The following CRYBG1 variants were observed in gnomAD, a reference collection of about 807,000 sequenced individuals.
CRYBG1 encodes beta/gamma crystallin domain-containing protein 1.
Under a neutral mutation model 189.2 loss-of-function variants are expected in CRYBG1, and 139 were observed. That is an observed-to-expected ratio of 0.73 (90% CI 0.64 to 0.85). The LOEUF is 0.85. Ranked by LOEUF, CRYBG1 falls within the 40% of genes least tolerant of loss-of-function variation. The pLI is 0.00. For missense variants in CRYBG1, 2,611 were observed against 2,675.8 expected (o/e 0.98, Z 0.53); for synonymous variants, 1,023 against 1,017.1 (o/e 1.01, Z -0.11).
rs367957424 is a variant in CRYBG1, at chr6:106,516,509, C to T, written c.1923-2622C>T. Reference sequence around the variant, plus strand: ...TTGGCCTCCCAAAGTGTAGGGATTACAAGCATGAGCCACCACACCCAGCCA... The same window carrying T: ...TTGGCCTCCCAAAGTGTAGGGATTATAAGCATGAGCCACCACACCCAGCCA... On this transcript the variant is annotated intron_variant, in intron 3 of 21. Transcript: ENST00000633556. Among the ~76,000 whole-genome samples, 260 of 152,314 alleles carry T rather than the reference C, an allele frequency of 1.7e-3. 1 individual carries two copies. The highest frequency in any genetic ancestry group is 6.0e-3 in the African/African-American group (251 of 41,564).
intron 10 of CRYBG1, among the ~76,000 whole-genome samples, chr6:106,542,400 A>C (rs888463988): frequency 2.0e-5 from 3 of 149,712 alleles, no homozygotes; most frequent in Non-Finnish European, 3.0e-5. Flanking sequence ...CTCTTGCCTC[A>C]GCCTCCTGAA....
chr6:106,398,385 A>C (rs1770652896), intron 1 of CRYBG1, among the ~76,000 whole-genome samples: 2 of 152,134 alleles, frequency 1.3e-5, no homozygotes, highest in South Asian at 4.1e-4. Flanking sequence ...CAGAGGTTGC[A>C]GTGGGCTGAG....
intron 1 of CRYBG1, among the ~76,000 whole-genome samples, chr6:106,405,597 C>A (rs917996025): frequency 1.3e-5 from 2 of 152,246 alleles, no homozygotes; most frequent in Non-Finnish European, 2.9e-5. Context: ...AGGGAGACAC[C>A]TTCCCGCAGG....
chr6:106,501,975 G>C (rs1000938806), intron 2 of CRYBG1, among the ~76,000 whole-genome samples: 1 of 152,194 alleles, frequency 6.6e-6, no homozygotes, highest in African/African-American at 2.4e-5. Context: ...TAGAGTCCGT[G>C]CTGTGTTGGA....
intron 20 of CRYBG1, among the ~76,000 whole-genome samples, 170 bp from the exon 21 acceptor site, chr6:106,563,594 T>A (rs1003619169): frequency 1.3e-5 from 2 of 152,234 alleles, no homozygotes; most frequent in Non-Finnish European, 2.9e-5. Flanking sequence ...ATAAATGGCA[T>A]AAATATTTAT....
chr6:106,456,203 G>A (rs1771885399), intron 2 of CRYBG1, among the ~76,000 whole-genome samples: 1 of 152,192 alleles, frequency 6.6e-6, no homozygotes, highest in Non-Finnish European at 1.5e-5. Context: ...GCCCAGGCTG[G>A]AGTGAAGTGG....
Position 106,512,229 on chromosome 6 carries a change from AC to A in CRYBG1, c.1115del (p.Pro372LeufsTer5), listed in dbSNP as rs1417968663. 6.5e-7 allele frequency: 1 copy of A among 1,538,484 alleles called. No homozygotes were observed. Among genetic ancestry groups the A allele is most frequent in the Admixed American group, 2.0e-5 (1 of 51,020 alleles). On this transcript the variant is annotated frameshift_variant, in exon 3 of 22. Transcript: ENST00000633556. LOFTEE classifies it high-confidence loss of function. ...DCTARPKGHA[H>X]PAKVLTLDIY... ...ACAGCCCGCCCCAAGGGTCACGCCC[AC>A]CCTGCTAAGGTGCTAACTTTGGACA...
intron 8 of CRYBG1, among the ~76,000 whole-genome samples, chr6:106,535,548 G>A (rs576678058): frequency 2.0e-5 from 3 of 152,216 alleles, no homozygotes; most frequent in African/African-American, 7.2e-5. Context: ...TATTACACTT[G>A]AGAAAATTCA....
rs532123829 is a variant in CRYBG1, at chr6:106,400,965, G to A, written c.173+39884G>A. Among the ~76,000 whole-genome samples the A allele has an allele frequency of 5.3e-5, 8 of 152,306 alleles. No homozygotes were observed. In the South Asian group the frequency reaches 8.3e-4, roughly 16 times the overall value. ...GAAAGTGCACGGGCTTTGGGGAGCC[G>A]TCTTTCTTGCCAGCTAGTTGAGATA... On this transcript the variant is annotated intron_variant, in intron 1 of 21. Coordinates refer to ENST00000633556, the MANE Select transcript of CRYBG1 (RefSeq NM_001371242.2).
At chr6:106,475,721 A>G (rs1174562253) in intron 2 of CRYBG1, among the ~76,000 whole-genome samples, 2 of 152,244 alleles carry the variant, frequency 1.3e-5, no homozygotes, top group Admixed American at 1.3e-4. Context: ...TATCTGAGAT[A>G]CAGATGGTAG....
rs762264327 is a variant in CRYBG1, at chr6:106,518,528, G to A, written c.1923-603G>A. ...GCCAAGCACTGTGCATACATGCTACGTACTCAATAAATTAGTTCATCCCTC... is the reference window on the plus strand; with the variant it reads ...GCCAAGCACTGTGCATACATGCTACATACTCAATAAATTAGTTCATCCCTC... On this transcript the variant is annotated intron_variant, in intron 3 of 21. Coordinates refer to ENST00000633556, the MANE Select transcript of CRYBG1 (RefSeq NM_001371242.2). Among the ~76,000 whole-genome samples the A allele has an allele frequency of 5.3e-5, 8 of 152,154 alleles. No individual in the cohort carries two copies. The South Asian group carries it at 8.3e-4, about 16-fold the overall frequency.
In CRYBG1 at chr6:106,423,695, C is replaced by CTTT. The variant is rs869170326; in HGVS notation, c.174-27973_174-27971dup. Among the ~76,000 whole-genome samples, 14 of 42,956 alleles carry CTTT rather than the reference C, an allele frequency of 3.3e-4. 1 individual carries two copies. The highest frequency in any genetic ancestry group is 2.8e-3 in the South Asian group (3 of 1,072). 28.2% of individuals were successfully genotyped at this position (42,956 alleles called of 152,430 possible). ...CCTCCAGTCCTCAGTTCTCCCTCCC[C>CTTT]TTTTTTTTTTTTTTTTTTTTTTTTT... On this transcript the variant is annotated intron_variant, in intron 1 of 21. Transcript: ENST00000633556.
Position 106,555,884 on chromosome 6 carries a change from G to A in CRYBG1, c.5702G>A (p.Arg1901His), listed in dbSNP as rs369371929. ...CPPGATFKSL[R>H]FIDVEFSEPT... Reference sequence around the variant, plus strand: ...CCTGGAGCAACTTTCAAGTCTCTTCGTTTTATAGATGTTGTAAGTATGTCA... The same window carrying A: ...CCTGGAGCAACTTTCAAGTCTCTTCATTTTATAGATGTTGTAAGTATGTCA... Residue 1901 changes from arginine to histidine, a missense_variant, in exon 17 of 22, where the codon CGT (arginine) becomes CAT (histidine). By Grantham distance (29) the Arg-to-His change is conservative. Transcript: ENST00000633556. 9 of 1,614,090 alleles carry A rather than the reference G, an allele frequency of 5.6e-6. No individual in the cohort carries two copies. The highest frequency in any genetic ancestry group is 5.0e-5 in the Admixed American group (3 of 60,016).
At chr6:106,488,654 G>T (rs754623443) in intron 2 of CRYBG1, among the ~76,000 whole-genome samples, 10 of 152,150 alleles carry the variant, frequency 6.6e-5, no homozygotes, top group Non-Finnish European at 1.2e-4. Context: ...TGTCAGGCAG[G>T]GGGGTGGGTG....
At chr6:106,475,467 C>A (rs1772316004) in intron 2 of CRYBG1, among the ~76,000 whole-genome samples, 1 of 152,024 alleles carries the variant, frequency 6.6e-6, no homozygotes, top group Non-Finnish European at 1.5e-5. Flanking sequence ...CTGTGTGAAT[C>A]AGAGTTGGAT....
At chr6:106,508,144 G>T (rs1318895902) in intron 2 of CRYBG1, among the ~76,000 whole-genome samples, 1 of 152,216 alleles carries the variant, frequency 6.6e-6, no homozygotes, top group Non-Finnish European at 1.5e-5. Flanking sequence ...TTGGGAAGCT[G>T]AGGTGGAAGG....
intron 2 of CRYBG1, among the ~76,000 whole-genome samples, chr6:106,494,139 T>C (rs893074364): frequency 6.6e-6 from 1 of 151,838 alleles, no homozygotes; most frequent in Non-Finnish European, 1.5e-5. Context: ...CAAAAACAAA[T>C]GTATGATTCC....
chr6:106,478,107 T>C (rs1447964890), intron 2 of CRYBG1, among the ~76,000 whole-genome samples: 1 of 152,242 alleles, frequency 6.6e-6, no homozygotes, highest in African/African-American at 2.4e-5. Context: ...GGGATGTTGG[T>C]TTCCACCACT....
At chr6:106,500,571 T>C (rs896156886) in intron 2 of CRYBG1, among the ~76,000 whole-genome samples, 2 of 152,248 alleles carry the variant, frequency 1.3e-5, no homozygotes, top group African/African-American at 4.8e-5. Flanking sequence ...ATTAATCCCT[T>C]ATCCAATGTA....
Sources: allele counts gnomAD v4.1 joint callset (sites outside exome capture counted in the v4.1 genomes callset), GRCh38; gene constraint gnomAD v4.1.1; transcripts MANE v1.5; gene names NCBI Gene and HGNC (gene_info 2026-07-23, HGNC 2026-07-21).